Variants in PHYH observed in about 807,000 individuals in gnomAD.
The protein encoded by PHYH is phytanoyl-CoA 2-hydroxylase.
In PHYH, 32 loss-of-function variants were observed where a neutral mutation model predicts 38.5. The ratio of observed to expected loss-of-function variants is 0.83; its 90% CI spans 0.63 to 1.12. The LOEUF (loss-of-function observed/expected upper bound fraction) is 1.12. PHYH is among the 50% of genes most tolerant of loss of function. The pLI is 0.00. For synonymous variants in PHYH, 166 were observed against 157.9 expected (o/e 1.05, Z -0.38); for missense variants, 426 against 434.8 (o/e 0.98, Z 0.18).
At chr10:13,296,893 G>A (rs1413831859) in intron 2 of PHYH, among the ~76,000 whole-genome samples, 5 of 151,842 alleles carry the variant, frequency 3.3e-5, no homozygotes, top group African/African-American at 1.2e-4. Context: ...GGCGGAGCTT[G>A]CAGTGAAGCA....
chr10:13,288,809 C>T (rs551199784), intron 5 of PHYH, among the ~76,000 whole-genome samples: 80 of 150,448 alleles, frequency 5.3e-4, no homozygotes, highest in African/African-American at 1.8e-3. Flanking sequence ...ACTTGGGAGG[C>T]TGAGGTGGGA....
intron 2 of PHYH, among the ~76,000 whole-genome samples, chr10:13,296,087 G>C (rs578119547): frequency 4.0e-5 from 6 of 151,642 alleles, no homozygotes; most frequent in South Asian, 4.2e-4. Flanking sequence ...AAAATCGCTT[G>C]AACTTGGGAG....
intron 7 of PHYH, among the ~76,000 whole-genome samples, chr10:13,282,706 C>G (rs960497555): frequency 6.6e-6 from 1 of 151,944 alleles, no homozygotes; most frequent in Non-Finnish European, 1.5e-5. Context: ...GAAGGTTGTG[C>G]TAGTGTGGGG....
chr10:13,293,738 C>T (rs746950018), intron 4 of PHYH, among the ~76,000 whole-genome samples: 1 of 152,158 alleles, frequency 6.6e-6, no homozygotes, highest in African/African-American at 2.4e-5. Context: ...AGTGCCACTT[C>T]GCCTGGCCTT....
chr10:13,278,172 A>T lies in PHYH; in HGVS notation c.*129T>A. Reference sequence around the variant, plus strand: ...CAAAACTAACTCTATGCAATTAAGTACCTGATACATGTTTTCTGCTTTTAA... The same window carrying T: ...CAAAACTAACTCTATGCAATTAAGTTCCTGATACATGTTTTCTGCTTTTAA... On this transcript the variant is annotated 3_prime_UTR_variant, in exon 9 of 9. Coordinates refer to ENST00000263038, the MANE Select transcript of PHYH (RefSeq NM_006214.4). 2 of 719,778 alleles carry T rather than the reference A, an allele frequency of 2.8e-6. No individual in the cohort carries two copies. Among genetic ancestry groups the T allele is most frequent in the Non-Finnish European group, 5.1e-6 (2 of 391,548 alleles). 44.6% of individuals were successfully genotyped at this position (719,778 alleles called of 1,614,324 possible).
At chr10:13,296,565 A>G (rs1181926771) in intron 2 of PHYH, among the ~76,000 whole-genome samples, 45 of 85,908 alleles carry the variant, frequency 5.2e-4, no homozygotes, top group Admixed American at 2.9e-3. Flanking sequence ...TCCATCTCAG[A>G]AAAAAAAAAA....
rs1446923388 is a variant in PHYH, at chr10:13,294,826, A to G, written c.246-230T>C. ...AGCATACCAGTAGGGAAGTCTTTTT[A>G]TAATTTGGTTACATTGTAATAATAA... is the stretch of plus-strand genomic sequence containing the variant. On this transcript the variant is annotated intron_variant, in intron 3 of 8. Coordinates refer to ENST00000263038, the MANE Select transcript of PHYH (RefSeq NM_006214.4). The G allele has an allele frequency of 5.5e-6, 3 of 548,722 alleles. No individual in the cohort carries two copies. The African/African-American group carries it at 5.7e-5, about 10-fold the overall frequency. The allele number at this position is 548,722 out of a possible 1,614,324, so 34.0% of individuals were successfully genotyped here.
rs763972214 is a variant in PHYH at position 13,288,397 on chromosome 10, T to A, written c.641A>T (p.Lys214Met). 1 of 1,614,116 alleles carries A rather than the reference T, an allele frequency of 6.2e-7. No homozygotes were observed. The highest frequency in any genetic ancestry group is 8.5e-7 in the Non-Finnish European group (1 of 1,180,038). ...GCLVVLPGTH[K>M]GSLKPHDYPK... ...GTAATCGTGGGGCTTCAGGGAGCCC[T>A]TGTGTGTGCCTGGGAGCACAACCAG... Residue 214 changes from lysine to methionine, a missense_variant, in exon 6 of 9, where the codon AAG (lysine) becomes ATG (methionine). By Grantham distance (95) the Lys-to-Met change is moderately conservative. Transcript: ENST00000263038.
intron 6 of PHYH, among the ~76,000 whole-genome samples, chr10:13,285,913 T>C (rs1178833620): frequency 6.6e-6 from 1 of 151,938 alleles, no homozygotes; most frequent in Non-Finnish European, 1.5e-5. Context: ...CCAGGATCTT[T>C]TCTTTTTCTT....
At chr10:13,283,977 A>C in intron 6 of PHYH, 138 bp from the exon 7 acceptor site, 5 of 863,428 alleles carry the variant, frequency 5.8e-6, no homozygotes, top group Non-Finnish European at 9.8e-6. Flanking sequence ...TCTAAATTAA[A>C]TGCTTACATT....
intron 4 of PHYH, among the ~76,000 whole-genome samples, chr10:13,293,512 G>T (rs1324545755): frequency 6.6e-6 from 1 of 152,074 alleles, no homozygotes; most frequent in Non-Finnish European, 1.5e-5. Context: ...ATGTGTCTCA[G>T]GCTGGTCTCA....
chr10:13,294,316 A>G, intron 4 of PHYH, 112 bp downstream of exon 4: 2 of 941,648 alleles, frequency 2.1e-6, no homozygotes, highest in East Asian at 4.8e-5. Context: ...TCAGCCTCCC[A>G]CAGTGCTCGG....
At chr10:13,299,850 G>A (rs938593173) in intron 1 of PHYH, 118 bp downstream of exon 1, 2 of 1,331,734 alleles carry the variant, frequency 1.5e-6, no homozygotes, top group Admixed American at 4.1e-5. Flanking sequence ...CGCTGAGCGA[G>A]GAGGCGCTGG....
chr10:13,293,640 T>C (rs952113851), intron 4 of PHYH, among the ~76,000 whole-genome samples: 1 of 152,052 alleles, frequency 6.6e-6, no homozygotes, highest in Admixed American at 6.6e-5. Flanking sequence ...TTTTTTCTTT[T>C]TTTCCAATAT....
chr10:13,295,581 T>G lies in PHYH; in HGVS notation c.160A>C (p.Thr54Pro). ...FQYTLDNNVLTLEQRKFYEEN... is the reference protein window; with the variant it reads ...FQYTLDNNVLPLEQRKFYEEN... ...TCATAAAATTTTCTCTGTTCCAGGG[T>G]TAGAACGTTATTATCCAGAGTATAC... Residue 54 changes from threonine (T) to proline (P), a missense_variant, in exon 3 of 9, where the codon ACC becomes CCC. Physicochemically the swap from Thr to Pro is conservative, Grantham distance 38. Transcript: ENST00000263038. The G allele has an allele frequency of 7.2e-7, 1 of 1,391,814 alleles. No individual in the cohort carries two copies. The highest frequency in any genetic ancestry group is 1.2e-5 in the South Asian group (1 of 86,392). The allele number at this position is 1,391,814 out of a possible 1,614,324, so 86.2% of individuals were successfully genotyped here. A position where few individuals can be genotyped will look rare whatever the true frequency, so the allele number is the denominator to read the frequency against.
chr10:13,287,891 G>A (rs1378774047), intron 6 of PHYH, among the ~76,000 whole-genome samples: 2 of 152,108 alleles, frequency 1.3e-5, no homozygotes, highest in African/African-American at 2.4e-5. Flanking sequence ...TTTCAAACAC[G>A]TGTTAAGGGC....
intron 4 of PHYH, among the ~76,000 whole-genome samples, chr10:13,292,708 G>A (rs911711556): frequency 1.3e-5 from 2 of 152,004 alleles, no homozygotes; most frequent in East Asian, 1.9e-4. Flanking sequence ...CGAGGCGGGC[G>A]GATCACTTGA....
intron 4 of PHYH, among the ~76,000 whole-genome samples, chr10:13,293,107 G>T (rs1252037903): frequency 2.6e-5 from 4 of 151,988 alleles, no homozygotes; most frequent in South Asian, 4.2e-4. Flanking sequence ...CCCTGGAAAG[G>T]TTATTAAAAG....
At chr10:13,288,588 T>C in intron 5 of PHYH, 47 bp from the exon 6 acceptor site, 1 of 1,580,462 alleles carries the variant, frequency 6.3e-7, no homozygotes, top group Non-Finnish European at 8.7e-7. Flanking sequence ...CCGAGTGCAG[T>C]GGCTCACGCC....
Sources: gnomAD v4.1 joint callset for allele counts (sites outside exome capture counted in the v4.1 genomes callset) on GRCh38, gnomAD v4.1.1 for gene constraint, MANE v1.5 for transcripts, NCBI Gene and HGNC (gene_info 2026-07-23, HGNC 2026-07-21) for gene names.